Variants in ZNF521 observed in about 807,000 individuals in gnomAD.
ZNF521 encodes LYST-interacting protein 3.
ZNF521 carries 14 observed loss-of-function variants against 105.5 expected under a neutral mutation model. That is an observed-to-expected ratio of 0.13 (90% CI 0.09 to 0.21). The LOEUF is 0.21. ZNF521 is among the 10% of genes least tolerant of loss of function. The pLI, the probability that ZNF521 is intolerant of heterozygous loss-of-function variation, is 1.00. For missense variants in ZNF521, 1,233 were observed against 1,629.7 expected (o/e 0.76, Z 4.19); for synonymous variants, 635 against 606.0 (o/e 1.05, Z -0.70).
At chr18:25,198,273 A>ATT (rs1254074060) in intron 4 of ZNF521, among the ~76,000 whole-genome samples, 1 of 151,854 alleles carries the variant, frequency 6.6e-6, no homozygotes, top group Non-Finnish European at 1.5e-5. Context: ...ATTGATTTTG[A>ATT]GAACAATTTA....
intron 3 of ZNF521, among the ~76,000 whole-genome samples, chr18:25,259,555 G>A (rs1908761459): frequency 6.6e-6 from 1 of 152,158 alleles, no homozygotes; most frequent in African/African-American, 2.4e-5. Context: ...GAAGAGAGCT[G>A]AAGGGAGTAG....
At chr18:25,334,099 T>A in intron 2 of ZNF521, among the ~76,000 whole-genome samples, 1 of 152,136 alleles carries the variant, frequency 6.6e-6, no homozygotes. Context: ...CTAAAATATC[T>A]CCCAGATCAG....
chr18:25,066,967 A>G (rs1400017336), intron 7 of ZNF521, among the ~76,000 whole-genome samples: 4 of 152,340 alleles, frequency 2.6e-5, no homozygotes, highest in Middle Eastern at 3.4e-3. Flanking sequence ...CAATGAAGGG[A>G]AAGTGTTTTA....
intron 3 of ZNF521, chr18:25,231,380 T>C (rs1906517911): frequency 6.6e-6 from 1 of 152,250 alleles, no homozygotes. Flanking sequence ...TGTTCAGGCA[T>C]ATTTATGGGG....
At chr18:25,102,675 A>G (rs2033991668) in intron 5 of ZNF521, among the ~76,000 whole-genome samples, 1 of 152,062 alleles carries the variant, frequency 6.6e-6, no homozygotes. Context: ...GCTGCCATGC[A>G]TGGCCTGAGA....
chr18:25,068,750 A>T (rs1276456359), intron 7 of ZNF521, among the ~76,000 whole-genome samples: 1 of 152,190 alleles, frequency 6.6e-6, no homozygotes. Flanking sequence ...GAGGGACAGA[A>T]GCTTCTGCCT....
intron 7 of ZNF521, among the ~76,000 whole-genome samples, chr18:25,076,328 G>T (rs2033360631): frequency 6.6e-6 from 1 of 152,196 alleles, no homozygotes; most frequent in African/African-American, 2.4e-5. Flanking sequence ...CTTGCTGTTG[G>T]TTGGAAGAAA....
chr18:25,201,854 A>T (rs920456561), intron 4 of ZNF521: 1 of 152,184 alleles, frequency 6.6e-6, no homozygotes, highest in Non-Finnish European at 1.5e-5. Flanking sequence ...TTCTCTGCAA[A>T]TGAAAAAATA....
intron 3 of ZNF521, among the ~76,000 whole-genome samples, chr18:25,262,925 A>G (rs1909008561): frequency 6.6e-6 from 1 of 152,186 alleles, no homozygotes; most frequent in African/African-American, 2.4e-5. Flanking sequence ...AGCTTTGTCC[A>G]TTGCAAACTT....
chr18:25,280,136 T>C (rs1372561003), intron 3 of ZNF521, among the ~76,000 whole-genome samples: 1 of 152,230 alleles, frequency 6.6e-6, no homozygotes, highest in Non-Finnish European at 1.5e-5. Context: ...ACCCAAACGC[T>C]GACTTCCCCT....
At chr18:25,135,286 G>T (rs2034712894) in intron 5 of ZNF521, among the ~76,000 whole-genome samples, 1 of 149,964 alleles carries the variant, frequency 6.7e-6, no homozygotes, top group South Asian at 2.1e-4. Flanking sequence ...ATACGTGTGT[G>T]TGTGTGTGTG....
rs150408336 is a variant in ZNF521 at position 25,323,464 on chromosome 18, T to C, written c.41-1277A>G. On this transcript the variant is annotated intron_variant, in intron 2 of 7. Transcript: ENST00000361524. Reference sequence around the variant, plus strand: ...TTTGCTTTTTAGAGATGGGTCTTACTAGGCAGCCCAAGCAGAAGTGCAGTG... The same window carrying C: ...TTTGCTTTTTAGAGATGGGTCTTACCAGGCAGCCCAAGCAGAAGTGCAGTG... Among the ~76,000 whole-genome samples the C allele has an allele frequency of 1.8e-3, 267 of 152,136 alleles. 2 individuals are homozygous for C. The highest frequency in any genetic ancestry group is 5.9e-3 in the African/African-American group (243 of 41,532).
intron 3 of ZNF521, among the ~76,000 whole-genome samples, chr18:25,275,470 A>G (rs1284900627): frequency 6.6e-6 from 1 of 152,180 alleles, no homozygotes; most frequent in Non-Finnish European, 1.5e-5. Flanking sequence ...CCATCCGGGC[A>G]CCCACTCATG....
At chr18:25,066,891 C>T (rs529563178) in intron 7 of ZNF521, among the ~76,000 whole-genome samples, 1 of 152,344 alleles carries the variant, frequency 6.6e-6, no homozygotes, top group East Asian at 1.9e-4. Context: ...ACCAATTTTA[C>T]ACAGCAATTC....
chr18:25,143,067 A>G (rs1236190320), intron 5 of ZNF521, among the ~76,000 whole-genome samples: 1 of 152,184 alleles, frequency 6.6e-6, no homozygotes, highest in Non-Finnish European at 1.5e-5. Flanking sequence ...TACCATAACT[A>G]GAGGACTTAA....
chr18:25,307,772 CT>C (rs1169815368), intron 3 of ZNF521, among the ~76,000 whole-genome samples: 3 of 152,186 alleles, frequency 2.0e-5, no homozygotes, highest in Non-Finnish European at 2.9e-5. Context: ...TCTCTGCTGT[CT>C]GTCTGTCTGT....
intron 3 of ZNF521, among the ~76,000 whole-genome samples, chr18:25,237,814 C>T (rs1466674819): frequency 6.6e-6 from 1 of 152,126 alleles, no homozygotes; most frequent in Non-Finnish European, 1.5e-5. Flanking sequence ...ATTGTGCATA[C>T]CTCTGGGTCT....
intron 3 of ZNF521, among the ~76,000 whole-genome samples, chr18:25,313,180 T>G (rs961728874): frequency 1.3e-5 from 2 of 152,206 alleles, no homozygotes; most frequent in African/African-American, 4.8e-5. Flanking sequence ...GTCAGCTGGG[T>G]GGGCTGGCTT....
intron 1 of ZNF521, 120 bp from the exon 2 acceptor site, chr18:25,351,067 T>TCGCTCCG: frequency 1.6e-6 from 1 of 614,982 alleles, no homozygotes; most frequent in Non-Finnish European, 2.2e-6. Context: ...CCTCGCGCCC[T>TCGCTCCG]CGCTCCGCGC....
Sources: allele counts gnomAD v4.1 joint callset (sites outside exome capture counted in the v4.1 genomes callset), GRCh38; gene constraint gnomAD v4.1.1; transcripts MANE v1.5; gene names NCBI Gene and HGNC (gene_info 2026-07-23, HGNC 2026-07-21).